Variants in TNRC6C observed in about 807,000 individuals in gnomAD.
The protein encoded by TNRC6C is trinucleotide repeat containing adaptor 6C.
Under a neutral mutation model 153.7 loss-of-function variants are expected in TNRC6C, and 20 were observed. That is an observed-to-expected ratio of 0.13 (90% confidence interval 0.09 to 0.19). The LOEUF (loss-of-function observed/expected upper bound fraction) is 0.19. Ranked by LOEUF, TNRC6C falls within the 10% of genes least tolerant of loss-of-function variation. TNRC6C has a pLI of 1.00. For synonymous variants in TNRC6C, 811 were observed against 841.4 expected (o/e 0.96, Z 0.63); for missense variants, 1,987 against 2,172.0 (o/e 0.91, Z 1.69).
At chr17:77,993,700 T>G (rs975928586) in intron 1 of TNRC6C, among the ~76,000 whole-genome samples, 5 of 152,206 alleles carry the variant, frequency 3.3e-5, no homozygotes, top group African/African-American at 1.2e-4. Flanking sequence ...CATCTGAACC[T>G]GTTGCGTGTT....
chr17:78,061,143 AC>A (rs1486427266), intron 3 of TNRC6C, among the ~76,000 whole-genome samples: 1 of 152,156 alleles, frequency 6.6e-6, no homozygotes, highest in Non-Finnish European at 1.5e-5. Context: ...CGATTCTAAG[AC>A]CCCATAGTAC....
At chr17:77,958,384 G>T (rs1026117304), upstream of TNRC6C, among the ~76,000 whole-genome samples, 28 of 152,030 alleles carry the variant, frequency 1.8e-4, no homozygotes, top group East Asian at 5.2e-3. Flanking sequence ...CAGGACTGGC[G>T]CGCGTCCCGG....
exon 13 of TNRC6C, chr17:78,087,039 C>G: frequency 6.2e-7 from 1 of 1,613,900 alleles, no homozygotes; most frequent in Non-Finnish European, 8.5e-7. Context: ...CCTACCTGAC[C>G]TGCAGACCAA....
In TNRC6C at chr17:78,064,946, A is replaced by G. The variant is rs527453002; in HGVS notation, c.2611+9A>G. 9.4e-6 allele frequency: 15 copies of G among 1,600,780 alleles called. No individual in the cohort carries two copies. The African/African-American group carries it at 1.5e-4, about 16-fold the overall frequency. ...AGCCCTGTGCAAACCAGGTAAGCCT[A>G]GCATCCTGCTTGCCCTGATCTGGCA... On this transcript the variant is annotated intron_variant, in intron 4 of 19. Coordinates refer to ENST00000301624, the Ensembl canonical transcript of TNRC6C.
At chr17:78,065,111 G>T (rs2072847618) in intron 4 of TNRC6C, among the ~76,000 whole-genome samples, 174 bp downstream of exon 6, 1 of 152,196 alleles carries the variant, frequency 6.6e-6, no homozygotes. Context: ...CACTTTGGGA[G>T]TCCAGGGCAG....
intron 2 of TNRC6C, among the ~76,000 whole-genome samples, chr17:78,044,393 T>C (rs1308771066): frequency 6.6e-6 from 1 of 152,238 alleles, no homozygotes; most frequent in East Asian, 1.9e-4. Context: ...TACTGCTTCT[T>C]CTCTGTCAGA....
Position 78,100,438 on chromosome 17 carries a change from G to A in TNRC6C, c.4501+1901G>A, listed in dbSNP as rs142117456. Among the ~76,000 whole-genome samples the A allele has an allele frequency of 1.6e-3, 243 of 152,326 alleles. 1 individual carries two copies. The highest frequency in any genetic ancestry group is 0.01 in the Middle Eastern group (3 of 294). On this transcript the variant is annotated intron_variant, in intron 17 of 19. Coordinates refer to ENST00000301624, the Ensembl canonical transcript of TNRC6C. ...TGTGCACCCAGAGTCTCAACACCAC[G>A]TGGAAGCTGCCAAGGCTTGGAGATT...
chr17:78,094,897 T>G (rs1398370546), intron 16 of TNRC6C, among the ~76,000 whole-genome samples: 1 of 152,172 alleles, frequency 6.6e-6, no homozygotes, highest in Non-Finnish European at 1.5e-5. Context: ...AACAGGGATG[T>G]TACGGGTGTC....
Position 78,079,868 on chromosome 17 carries a change from CTT to C in TNRC6C, c.3357+329_3357+330del. Among the ~76,000 whole-genome samples the C allele has an allele frequency of 6.6e-6, 1 of 152,110 alleles. No homozygotes were observed. Among genetic ancestry groups the C allele is most frequent in the East Asian group, 1.9e-4 (1 of 5,202 alleles). On this transcript the variant is annotated intron_variant, in intron 10 of 19. Coordinates refer to ENST00000301624, the Ensembl canonical transcript of TNRC6C. The surrounding 1 kb of genome is among the most constrained non-coding windows in gnomAD (Gnocchi z 4.3). ...CCCATTGATGTGCTTTTGTCCCAGT[CTT>C]TGTCGAGAAAATTATTCAGGTGAAC...
intron 1 of TNRC6C, among the ~76,000 whole-genome samples, chr17:77,984,503 G>A (rs146736153): frequency 2.1e-3 from 320 of 152,286 alleles, no homozygotes; most frequent in African/African-American, 7.5e-3. Flanking sequence ...AAATGTCAGA[G>A]CTAGATTCTA....
intron 1 of TNRC6C, among the ~76,000 whole-genome samples, chr17:78,017,134 G>A (rs1016393993): frequency 7.9e-5 from 12 of 152,302 alleles, no homozygotes; most frequent in African/African-American, 2.9e-4. Context: ...GGCTTTGGTG[G>A]AATGGGGACA....
At chr17:78,093,298 GT>G in intron 15 of TNRC6C, 174 bp downstream of exon 17, 1 of 802,754 alleles carries the variant, frequency 1.2e-6, no homozygotes, top group Non-Finnish European at 1.9e-6. Flanking sequence ...TTTGGGTATG[GT>G]TAGCATCAGG....
chr17:78,024,647 G>C (rs527628336), intron 1 of TNRC6C, among the ~76,000 whole-genome samples: 5 of 152,092 alleles, frequency 3.3e-5, no homozygotes, highest in African/African-American at 1.2e-4. Context: ...TTACAGGCGT[G>C]AGCCACCGCG....
At position 78,049,554 on chromosome 17, in the gene TNRC6C, G is replaced by A. The variant is rs969472835; in HGVS notation, c.492G>A (p.Thr164=). The change falls in exon 3 of 20, where the codon ACG becomes ACA. Residue 164 remains threonine (T), a synonymous_variant. Transcript: ENST00000301624. The surrounding 1 kb of genome is among the most constrained non-coding windows in gnomAD (Gnocchi z 4.1). ...CACAAGAGAGCACAGAACCACAAAC[G>A]TCCACTTCTCAGAATGTGTCTTTCA... is the stretch of plus-strand genomic sequence containing the variant. 28 of 1,613,814 alleles carry A rather than the reference G, an allele frequency of 1.7e-5. No homozygotes were observed. The highest frequency in any genetic ancestry group is 2.2e-5 in the Non-Finnish European group (26 of 1,179,896).
At chr17:78,095,757 T>C (rs564295140) in intron 16 of TNRC6C, among the ~76,000 whole-genome samples, 1 of 152,268 alleles carries the variant, frequency 6.6e-6, no homozygotes, top group Admixed American at 6.5e-5. Flanking sequence ...CAGAAAGCAC[T>C]AGCAGGCCGA....
chr17:78,100,725 A>G (rs931266169), intron 17 of TNRC6C, among the ~76,000 whole-genome samples: 1 of 151,096 alleles, frequency 6.6e-6, no homozygotes, highest in Non-Finnish European at 1.5e-5. Context: ...TACTTAGGCA[A>G]ATTTCTGCAC....
At chr17:78,073,440 C>T (rs748897968) in intron 7 of TNRC6C, among the ~76,000 whole-genome samples, 28 of 152,214 alleles carry the variant, frequency 1.8e-4, no homozygotes, top group Non-Finnish European at 1.0e-4. Flanking sequence ...TGCCCCAGAA[C>T]GGACTTGCCT....
intron 11 of TNRC6C, among the ~76,000 whole-genome samples, chr17:78,083,641 T>C (rs2073221558): frequency 1.3e-5 from 2 of 152,242 alleles, no homozygotes; most frequent in Non-Finnish European, 2.9e-5. Context: ...TTCTCAGTTA[T>C]TCTAAGGATG....
At chr17:78,051,528 T>G in intron 3 of TNRC6C, 80 bp downstream of exon 5, 2 of 1,296,876 alleles carry the variant, frequency 1.5e-6, no homozygotes, top group Non-Finnish European at 2.0e-6. Context: ...TCATGAATAC[T>G]CCGAGTAGTG....
Sources: allele counts gnomAD v4.1 joint callset (sites outside exome capture counted in the v4.1 genomes callset), GRCh38; gene constraint gnomAD v4.1.1; non-coding constraint Gnocchi (gnomAD v3.1); transcripts MANE v1.5; gene names NCBI Gene and HGNC (gene_info 2026-07-23, HGNC 2026-07-21).